Variants in CNTNAP5 observed in about 807,000 individuals in gnomAD.
CNTNAP5 encodes contactin associated protein family member 5, also known as contactin-associated protein-like 5.
Under a neutral mutation model 150.2 loss-of-function variants are expected in CNTNAP5, and 72 were observed. The ratio of observed to expected loss-of-function variants is 0.48; its 90% confidence interval spans 0.40 to 0.58. The LOEUF (loss-of-function observed/expected upper bound fraction) is 0.58, where lower values mean the gene tolerates loss of function less well. CNTNAP5 is among the 20% of genes least tolerant of loss of function. The probability of loss-of-function intolerance (pLI) is 0.00; values close to 1 mark genes in which losing one functional copy is unlikely to be tolerated. For missense variants in CNTNAP5, 1,636 were observed against 1,626.2 expected, an observed-to-expected ratio of 1.01 and a Z score of -0.10; for synonymous variants, 672 against 619.8, an observed-to-expected ratio of 1.08 and a Z score of -1.25.
At chr2:124,759,275 A>G (rs1356655254) in intron 14 of CNTNAP5, among the ~76,000 whole-genome samples, 1 of 150,748 alleles carries the variant, frequency 6.6e-6, no homozygotes, top group Non-Finnish European at 1.5e-5. Context: ...CTTTTAATCT[A>G]CTTGCTTCCT....
At chr2:124,562,303 G>T (rs548096187) in intron 10 of CNTNAP5, among the ~76,000 whole-genome samples, 2 of 152,208 alleles carry the variant, frequency 1.3e-5, no homozygotes, top group South Asian at 4.1e-4. Context: ...TTATAATCAT[G>T]TTTGTCCTGT....
chr2:124,802,300 C>T (rs1359093394), intron 19 of CNTNAP5, among the ~76,000 whole-genome samples: 1 of 152,174 alleles, frequency 6.6e-6, no homozygotes, highest in Non-Finnish European at 1.5e-5. Flanking sequence ...TAAGTCTCTC[C>T]CTGGCAGGGG....
chr2:124,228,107 G>T (rs1220309675), intron 2 of CNTNAP5, among the ~76,000 whole-genome samples: 4 of 152,054 alleles, frequency 2.6e-5, no homozygotes, highest in African/African-American at 9.7e-5. Context: ...GGAACCAGTG[G>T]TGTGACCCTC....
At chr2:124,255,130 G>A (rs567281129) in intron 3 of CNTNAP5, among the ~76,000 whole-genome samples, 20 of 152,296 alleles carry the variant, frequency 1.3e-4, no homozygotes, top group African/African-American at 4.3e-4. Flanking sequence ...GCATGCACCT[G>A]TAATCTCAGC....
chr2:124,338,162 CTGTT>C (rs1163740995), intron 3 of CNTNAP5, among the ~76,000 whole-genome samples: 6 of 151,926 alleles, frequency 3.9e-5, no homozygotes, highest in African/African-American at 1.2e-4. Flanking sequence ...ATTTGGCTCT[CTGTT>C]TGTCTGTTGT....
chr2:124,083,276 A>T (rs1016867501), intron 1 of CNTNAP5, among the ~76,000 whole-genome samples: 4 of 152,154 alleles, frequency 2.6e-5, no homozygotes, highest in African/African-American at 9.7e-5. Flanking sequence ...TGAACCCGAG[A>T]GGTGAGGTTG....
intron 3 of CNTNAP5, among the ~76,000 whole-genome samples, chr2:124,314,163 A>G (rs1354083235): frequency 6.6e-6 from 1 of 152,198 alleles, no homozygotes; most frequent in Non-Finnish European, 1.5e-5. Context: ...TCAAGCTTTC[A>G]GACGTGCCGG....
chr2:124,467,015 G>A (rs1044339291), intron 6 of CNTNAP5, among the ~76,000 whole-genome samples: 1 of 152,152 alleles, frequency 6.6e-6, no homozygotes, highest in East Asian at 1.9e-4. Flanking sequence ...GAAAGCAGAA[G>A]TGGAAAAACT....
At chr2:124,584,666 C>T (rs1696489036) in intron 11 of CNTNAP5, among the ~76,000 whole-genome samples, 1 of 152,154 alleles carries the variant, frequency 6.6e-6, no homozygotes, top group African/African-American at 2.4e-5. Context: ...TATTATATTA[C>T]CACCATGGCC....
rs368857538 is a variant in CNTNAP5 at position 124,242,181 on chromosome 2, C to G, written c.188-19C>G. 2.6e-6 allele frequency: 4 copies of G among 1,561,270 alleles called. No individual in the cohort carries two copies. The highest frequency in any genetic ancestry group is 2.7e-5 in the African/African-American group (2 of 73,618). ...GACATTACTACAACTCTCTCTCACTCTCTCTGATCCTGTTCCAGGAACTGG... is the reference window on the plus strand; with the variant it reads ...GACATTACTACAACTCTCTCTCACTGTCTCTGATCCTGTTCCAGGAACTGG... On this transcript the variant is annotated intron_variant, in intron 2 of 23. Transcript: ENST00000682447.
intron 1 of CNTNAP5, among the ~76,000 whole-genome samples, chr2:124,076,402 C>T (rs1399816156): frequency 6.6e-5 from 10 of 152,054 alleles, no homozygotes; most frequent in East Asian, 1.9e-4. Flanking sequence ...TAGTCTATTA[C>T]GATTATAATA....
chr2:124,095,314 G>C lies in CNTNAP5; in HGVS notation c.82+69582G>C, dbSNP rs115765867. On this transcript the variant is annotated intron_variant, in intron 1 of 23. Coordinates refer to ENST00000682447, the MANE Select transcript of CNTNAP5 (RefSeq NM_001367498.1). ...AACAACGAGAACACATGGACATGAG[G>C]AGGGAAACATCACACACTGGGGCCT... Among the ~76,000 whole-genome samples the C allele has an allele frequency of 1.2e-3, 182 of 152,286 alleles. 1 individual carries two copies. The highest frequency in any genetic ancestry group is 4.0e-3 in the African/African-American group (168 of 41,558).
chr2:124,727,319 G>T (rs892426600), intron 13 of CNTNAP5, among the ~76,000 whole-genome samples: 2 of 151,770 alleles, frequency 1.3e-5, no homozygotes, highest in South Asian at 2.1e-4. Context: ...GGTCTTTTGT[G>T]GTTCCTTATA....
At chr2:124,679,520 A>G (rs1249953880) in intron 13 of CNTNAP5, among the ~76,000 whole-genome samples, 3 of 151,818 alleles carry the variant, frequency 2.0e-5, no homozygotes, top group Admixed American at 6.7e-5. Flanking sequence ...TAATTATGAT[A>G]AGTGACAGAG....
chr2:124,353,958 A>T (rs1430675936), intron 3 of CNTNAP5, among the ~76,000 whole-genome samples: 25 of 152,228 alleles, frequency 1.6e-4, no homozygotes, highest in Non-Finnish European at 1.5e-5. Context: ...TATAAGTGAC[A>T]GTATGCCACC....
At chr2:124,473,128 A>G (rs1693556966) in intron 6 of CNTNAP5, among the ~76,000 whole-genome samples, 1 of 152,062 alleles carries the variant, frequency 6.6e-6, no homozygotes, top group Admixed American at 6.6e-5. Flanking sequence ...ATACAATGGA[A>G]TTTTTGAAAT....
At chr2:124,253,327 T>C in intron 3 of CNTNAP5, among the ~76,000 whole-genome samples, 1 of 152,222 alleles carries the variant, frequency 6.6e-6, no homozygotes, top group Non-Finnish European at 1.5e-5. Flanking sequence ...AATAAATATA[T>C]GTGTGGTATA....
chr2:124,857,528 G>A lies in CNTNAP5; in HGVS notation c.3218-7778G>A, dbSNP rs146874601. 7.9e-5 allele frequency among the ~76,000 whole-genome samples: 12 copies of A among 151,894 alleles called. No individual in the cohort carries two copies. In the East Asian group the frequency reaches 1.6e-3, roughly 20 times the overall value. On this transcript the variant is annotated intron_variant, in intron 19 of 23. Coordinates refer to ENST00000682447, the MANE Select transcript of CNTNAP5 (RefSeq NM_001367498.1). ...GCCACCCTTGGGATTTTCAAGATAC[G>A]TATACACCCAACTCAGGCCAGGCAG...
At chr2:124,562,026 A>C (rs1437181759) in intron 10 of CNTNAP5, among the ~76,000 whole-genome samples, 1 of 152,112 alleles carries the variant, frequency 6.6e-6, no homozygotes, top group African/African-American at 2.4e-5. Context: ...CACTGCATTT[A>C]CTGAGCACCA....
Sources: gnomAD v4.1 joint callset for allele counts (sites outside exome capture counted in the v4.1 genomes callset) on GRCh38, gnomAD v4.1.1 for gene constraint, MANE v1.5 for transcripts, NCBI Gene and HGNC (gene_info 2026-07-23, HGNC 2026-07-21) for gene names.